The following STARD13 variants were observed in gnomAD, a reference collection of about 807,000 sequenced individuals.
The protein encoded by STARD13 is StAR related lipid transfer domain containing 13, also known as stAR-related lipid transfer protein 13.
In STARD13, 62 loss-of-function variants were observed where a neutral mutation model predicts 106.4. That is an observed-to-expected ratio of 0.58 (90% CI 0.48 to 0.72). The LOEUF (loss-of-function observed/expected upper bound fraction) is 0.72, where lower values mean the gene tolerates loss of function less well. STARD13 is among the 30% of genes least tolerant of loss of function. The pLI is 0.00. For missense variants in STARD13, 1,387 were observed against 1,424.0 expected (o/e 0.97, Z 0.42); for synonymous variants, 565 against 553.0 (o/e 1.02, Z -0.31).
At chr13:33,604,759 A>G in the STARD13 span, among the ~76,000 whole-genome samples, 1 of 151,994 alleles carries the variant, frequency 6.6e-6, no homozygotes, top group African/African-American at 2.4e-5. Flanking sequence ...AGATTGGGCC[A>G]CTGCACTCCA....
intron 1 of STARD13, among the ~76,000 whole-genome samples, chr13:33,343,583 A>AC (rs2077984469): frequency 3.2e-5 from 3 of 94,302 alleles, no homozygotes; most frequent in East Asian, 5.9e-4. Flanking sequence ...GTCTTAAAAA[A>AC]AAAAAAAAAA....
chr13:33,403,579 A>G, the STARD13 span, among the ~76,000 whole-genome samples: 1 of 152,242 alleles, frequency 6.6e-6, no homozygotes, highest in Non-Finnish European at 1.5e-5. Context: ...AAGAAACGTA[A>G]TAGGCTGGAA....
chr13:33,655,306 A>G, the STARD13 span, among the ~76,000 whole-genome samples: 23 of 152,252 alleles, frequency 1.5e-4, no homozygotes, highest in Admixed American at 3.3e-4. Flanking sequence ...TGAGACAATG[A>G]ATAGTTCCTT....
chr13:33,343,471 C>T (rs182499484), intron 1 of STARD13, among the ~76,000 whole-genome samples: 422 of 144,804 alleles, frequency 2.9e-3, no homozygotes, highest in Non-Finnish European at 5.3e-3. Flanking sequence ...CCCAGCTACT[C>T]GGAAGGCTGA....
chr13:33,333,768 T>C (rs578248112), intron 1 of STARD13: 1 of 152,304 alleles, frequency 6.6e-6, no homozygotes, highest in Admixed American at 6.5e-5. Context: ...CTCTTGAAGG[T>C]AAGTAAGGTA....
At chr13:33,251,872 A>C (rs1478830367) in intron 1 of STARD13, among the ~76,000 whole-genome samples, 2 of 152,194 alleles carry the variant, frequency 1.3e-5, no homozygotes, top group Non-Finnish European at 2.9e-5. Context: ...AATGAGTAAC[A>C]CCTAATCCTG....
At chr13:33,610,171 A>G in the STARD13 span, among the ~76,000 whole-genome samples, 1 of 152,204 alleles carries the variant, frequency 6.6e-6, no homozygotes, top group South Asian at 2.1e-4. Flanking sequence ...ACCATGCAAG[A>G]TCATATTTAA....
At chr13:33,549,606 A>T in the STARD13 span, among the ~76,000 whole-genome samples, 2 of 152,214 alleles carry the variant, frequency 1.3e-5, no homozygotes, top group Non-Finnish European at 2.9e-5. Flanking sequence ...CATCATCTTC[A>T]TCATCACTAT....
chr13:33,413,320 C>A, the STARD13 span, among the ~76,000 whole-genome samples: 1 of 151,664 alleles, frequency 6.6e-6, no homozygotes, highest in African/African-American at 2.4e-5. Flanking sequence ...GGAAAAGTCT[C>A]AAATCAATAA....
At chr13:33,598,525 G>T in the STARD13 span, among the ~76,000 whole-genome samples, 7 of 152,310 alleles carry the variant, frequency 4.6e-5, no homozygotes, top group Middle Eastern at 3.4e-3. Flanking sequence ...AGATTTGCAA[G>T]TGTAGAAACA....
intron 1 of STARD13, among the ~76,000 whole-genome samples, chr13:33,195,888 C>T (rs1048716961): frequency 6.6e-6 from 1 of 152,046 alleles, no homozygotes; most frequent in African/African-American, 2.4e-5. Flanking sequence ...AAAGGGTGGT[C>T]GTGAGGATGA....
intron 1 of STARD13, among the ~76,000 whole-genome samples, chr13:33,206,549 C>T (rs1389107997): frequency 1.3e-5 from 2 of 152,230 alleles, no homozygotes; most frequent in Admixed American, 6.5e-5. Flanking sequence ...ATTCTGATGA[C>T]ATTACACCCT....
At chr13:33,490,506 T>TA in the STARD13 span, among the ~76,000 whole-genome samples, 1 of 151,430 alleles carries the variant, frequency 6.6e-6, no homozygotes, top group Non-Finnish European at 1.5e-5. Flanking sequence ...GAAAGAAGAG[T>TA]AGGGGCATCT....
the STARD13 span, among the ~76,000 whole-genome samples, chr13:33,574,881 A>G: frequency 6.6e-6 from 1 of 151,630 alleles, no homozygotes; most frequent in African/African-American, 2.4e-5. Context: ...CTCAACCTAA[A>G]ATCAGTTTCA....
the STARD13 span, among the ~76,000 whole-genome samples, chr13:33,442,207 C>G: frequency 6.6e-6 from 1 of 152,194 alleles, no homozygotes; most frequent in African/African-American, 2.4e-5. Context: ...TCCATTTCAG[C>G]TGTTTAAAAA....
At chr13:33,570,762 C>G in the STARD13 span, among the ~76,000 whole-genome samples, 1 of 152,148 alleles carries the variant, frequency 6.6e-6, no homozygotes, top group Admixed American at 6.6e-5. Context: ...CTGTCTCACT[C>G]TTTTCCAGAC....
At chr13:33,339,912 A>C (rs2077941174) in intron 1 of STARD13, among the ~76,000 whole-genome samples, 1 of 152,184 alleles carries the variant, frequency 6.6e-6, no homozygotes, top group Non-Finnish European at 1.5e-5. Context: ...CTCAAAGAAA[A>C]AAAAAAAAGG....
At chr13:33,229,784 AC>A (rs1888817400) in intron 1 of STARD13, among the ~76,000 whole-genome samples, 1 of 152,168 alleles carries the variant, frequency 6.6e-6, no homozygotes, top group African/African-American at 2.4e-5. Flanking sequence ...CCTACGCATC[AC>A]CCTGGCCCTG....
At chr13:33,657,163 G>A in the STARD13 span, among the ~76,000 whole-genome samples, 1,667 of 152,260 alleles carry the variant, frequency 0.011, 34 homozygotes, top group African/African-American at 0.038. Flanking sequence ...CCAGCTACTC[G>A]GGAGGCTGAG....
Sources: gnomAD v4.1 joint callset for allele counts (sites outside exome capture counted in the v4.1 genomes callset) on GRCh38, gnomAD v4.1.1 for gene constraint, MANE v1.5 for transcripts, NCBI Gene and HGNC (gene_info 2026-07-23, HGNC 2026-07-21) for gene names.